Variants in CCM2L observed in about 807,000 individuals in gnomAD.
The protein encoded by CCM2L is cerebral cavernous malformations 2 protein-like.
A neutral mutation model predicts 54.1 loss-of-function variants in CCM2L; 36 were observed. The ratio of observed to expected loss-of-function variants is 0.67; its 90% CI spans 0.51 to 0.88. CCM2L has a LOEUF of 0.88. Among genes scored for constraint, CCM2L ranks in the 40% least tolerant of loss-of-function variants. The pLI is 0.00. For missense variants in CCM2L, 700 were observed against 812.1 expected, an observed-to-expected ratio of 0.86 and a Z score of 1.68; for synonymous variants, 351 against 359.3, an observed-to-expected ratio of 0.98 and a Z score of 0.26.
chr20:32,029,662 C>T (rs763144653), intron 8 of CCM2L, 38 bp from the exon 9 acceptor site: 247 of 1,569,296 alleles, frequency 1.6e-4, no homozygotes, highest in Non-Finnish European at 1.9e-4. Context: ...GGTGGCGCTG[C>T]TTCCTGGGAT....
Position 32,023,298 on chromosome 20 carries a change from G to T in CCM2L, c.1069+503G>T, listed in dbSNP as rs148355159. On this transcript the variant is annotated intron_variant, in intron 6 of 9. Transcript: ENST00000452892. Reference sequence around the variant, plus strand: ...AGTTTTCATGATGATCTCAAACTTAGCTTCTTCAAAGATGTTTGGATTGTC... The same window carrying T: ...AGTTTTCATGATGATCTCAAACTTATCTTCTTCAAAGATGTTTGGATTGTC... Among the ~76,000 whole-genome samples, 352 of 152,314 alleles carry T rather than the reference G, an allele frequency of 2.3e-3. 2 individuals carry two copies. Among genetic ancestry groups the T allele is most frequent in the African/African-American group, 7.9e-3 (329 of 41,570 alleles).
At chr20:32,015,379 A>G (rs994716012) in intron 2 of CCM2L, among the ~76,000 whole-genome samples, 1 of 152,232 alleles carries the variant, frequency 6.6e-6, no homozygotes, top group Admixed American at 6.5e-5. Flanking sequence ...GAGACTCACT[A>G]AAAGAAAATG....
chr20:32,031,078 G>A lies in CCM2L; in HGVS notation c.1480G>A (p.Gly494Ser). ...GGAGGGCGTGGGCATCCGCGAGGGC[G>A]GCATCCTCACTGACAGCTTCGGCCG... ...FLEGVGIREG[G>S]ILTDSFGRIK... is the part of the protein sequence containing the mutation. The change falls in exon 10 of 10, where the codon GGC (glycine) becomes AGC (serine). Residue 494 changes from glycine to serine, a missense_variant. Physicochemically the swap from Gly to Ser is moderately conservative, Grantham distance 56. Transcript: ENST00000452892. 5 of 1,304,268 alleles carry A rather than the reference G, an allele frequency of 3.8e-6. No homozygotes were observed. Among genetic ancestry groups the A allele is most frequent in the Non-Finnish European group, 5.1e-6 (5 of 988,946 alleles). 80.8% of individuals were successfully genotyped at this position (1,304,268 alleles called of 1,614,324 possible).
intron 8 of CCM2L, 59 bp downstream of exon 8, chr20:32,029,183 A>C: frequency 6.2e-7 from 1 of 1,611,482 alleles, no homozygotes; most frequent in Non-Finnish European, 8.5e-7. Context: ...TGGAGTAAAC[A>C]TTTTGGGAAT....
chr20:32,031,056 G>T lies in CCM2L; in HGVS notation c.1458G>T (p.Glu486Asp). The change falls in exon 10 of 10, where the codon GAG (glutamate) becomes GAT (aspartate). Residue 486 changes from glutamate (E) to aspartate (D), a missense_variant. Transcript: ENST00000452892. ...QDIGYFEGFL[E>D]GVGIREGGIL... ...TCGGCTACTTCGAGGGCTTCCTGGA[G>T]GGCGTGGGCATCCGCGAGGGCGGCA... The T allele has an allele frequency of 7.7e-7, 1 of 1,304,284 alleles. No homozygotes were observed. The highest frequency in any genetic ancestry group is 1.0e-6 in the Non-Finnish European group (1 of 988,956). 80.8% of individuals were successfully genotyped at this position (1,304,284 alleles called of 1,614,324 possible).
At chr20:32,023,290 C>G (rs2064824246) in intron 6 of CCM2L, among the ~76,000 whole-genome samples, 1 of 152,202 alleles carries the variant, frequency 6.6e-6, no homozygotes, top group South Asian at 2.1e-4. Flanking sequence ...ATGATGATCT[C>G]AAACTTAGCT....
In CCM2L at chr20:32,029,751, C is replaced by G. The variant is rs540781252; in HGVS notation, c.1315C>G (p.Arg439Gly). Residue 439 changes from arginine to glycine, a missense_variant, in exon 9 of 10, where the codon CGG becomes GGG. Physicochemically the swap from Arg to Gly is moderately radical, Grantham distance 125. Transcript: ENST00000452892. ...GATCCAGCAGTTTGCGATGCTGCTG[C>G]GGGAGTACCGGCTGGGGCTGCCCAT... is the stretch of plus-strand genomic sequence containing the variant. ...LEIQQFAMLL[R>G]EYRLGLPIQD... 2 of 1,613,410 alleles carry G rather than the reference C, an allele frequency of 1.2e-6. No homozygotes were observed. Among genetic ancestry groups the G allele is most frequent in the East Asian group, 2.2e-5 (1 of 44,836 alleles).
At position 32,018,085 on chromosome 20, in the gene CCM2L, T is replaced by G. The variant is rs970090328; in HGVS notation, c.389T>G (p.Leu130Arg). 6.2e-7 allele frequency: 1 copy of G among 1,612,968 alleles called. No individual in the cohort carries two copies. Among genetic ancestry groups the G allele is most frequent in the African/African-American group, 1.3e-5 (1 of 74,822 alleles). The change falls in exon 4 of 10, where the codon CTG becomes CGG. Residue 130 changes from leucine to arginine, a missense_variant. Physicochemically the swap from Leu to Arg is moderately radical, Grantham distance 102. Coordinates refer to ENST00000452892, the MANE Select transcript of CCM2L (RefSeq NM_001365692.1). The part of the protein sequence containing the change: ...LTWRDNEELI[L>R]RIPTHEIAAA... ...TGGCGCGACAATGAAGAGCTCATTC[T>G]GCGAATCCCTACGCACGAGATCGCC...
At chr20:32,024,535 C>T (rs1202827115) in intron 6 of CCM2L, among the ~76,000 whole-genome samples, 2 of 152,104 alleles carry the variant, frequency 1.3e-5, no homozygotes, top group East Asian at 3.9e-4. Flanking sequence ...CAAATAAATA[C>T]ACAACCACAG....
chr20:32,019,318 A>T lies in CCM2L; in HGVS notation c.842A>T (p.Glu281Val). ...GGCAGCGGCGGGGGAGGCAGCTGGG[A>T]GCGGCGCCACCCCGGCCCCAACCCG... ...QAGSGGGGSW[E>V]RRHPGPNPLD... is the part of the protein sequence containing the mutation. Residue 281 changes from glutamate to valine, a missense_variant, in exon 5 of 10, where the codon GAG (glutamate) becomes GTG (valine). Physicochemically the swap from Glu to Val is moderately radical, Grantham distance 121. Transcript: ENST00000452892. 7.5e-7 allele frequency: 1 copy of T among 1,334,332 alleles called. No individual in the cohort carries two copies. The highest frequency in any genetic ancestry group is 2.0e-5 in the South Asian group (1 of 49,450). The allele number at this position is 1,334,332 out of a possible 1,614,324, so 82.7% of individuals were successfully genotyped here.
At chr20:32,015,472 G>A (rs1568910955) in intron 2 of CCM2L, among the ~76,000 whole-genome samples, 1 of 152,184 alleles carries the variant, frequency 6.6e-6, no homozygotes, top group Non-Finnish European at 1.5e-5. Flanking sequence ...GAAGGCAAAG[G>A]TTTTTAAAGG....
At position 32,031,392 on chromosome 20, in the gene CCM2L, G is replaced by C. The variant is rs2064926250; in HGVS notation, c.*78G>C. 8.6e-7 allele frequency: 1 copy of C among 1,163,752 alleles called. No homozygotes were observed. The highest frequency in any genetic ancestry group is 1.6e-5 in the African/African-American group (1 of 61,842). 72.1% of individuals were successfully genotyped at this position (1,163,752 alleles called of 1,614,324 possible). On this transcript the variant is annotated 3_prime_UTR_variant, in exon 10 of 10. Coordinates refer to ENST00000452892, the MANE Select transcript of CCM2L (RefSeq NM_001365692.1). ...TTGCTTCGGGGACCCTATCCCCAGGGCCCCCCCATCACACCTGGCGGGGCC... is the reference window on the plus strand; with the variant it reads ...TTGCTTCGGGGACCCTATCCCCAGGCCCCCCCCATCACACCTGGCGGGGCC...
chr20:32,022,703 A>G lies in CCM2L; in HGVS notation c.977A>G (p.Gln326Arg). ...ESCALICQVFQIIYGDQSIEC... is the reference protein window; with the variant it reads ...ESCALICQVFRIIYGDQSIEC... ...TGCGCACTCATCTGTCAGGTCTTCC[A>G]GATCATCTACGGGGACCAGAGTATT... is the stretch of plus-strand genomic sequence containing the variant. Residue 326 changes from glutamine to arginine, a missense_variant, in exon 6 of 10, where the codon CAG (glutamine) becomes CGG (arginine). Physicochemically the swap from Gln to Arg is conservative, Grantham distance 43. Coordinates refer to ENST00000452892, the MANE Select transcript of CCM2L (RefSeq NM_001365692.1). 6.2e-7 allele frequency: 1 copy of G among 1,614,184 alleles called. No homozygotes were observed. Among genetic ancestry groups the G allele is most frequent in the Non-Finnish European group, 8.5e-7 (1 of 1,180,032 alleles).
intron 2 of CCM2L, among the ~76,000 whole-genome samples, chr20:32,016,308 C>A (rs2064740771): frequency 6.6e-6 from 1 of 152,106 alleles, no homozygotes; most frequent in Non-Finnish European, 1.5e-5. Context: ...TAATTATGTC[C>A]CAAATATTGC....
chr20:32,023,824 C>T (rs942432857), intron 6 of CCM2L, among the ~76,000 whole-genome samples: 6 of 152,168 alleles, frequency 3.9e-5, no homozygotes, highest in African/African-American at 4.8e-5. Context: ...CTCTGCCTCC[C>T]GGTTCAAGTG....
chr20:32,018,534 G>A (rs1163716138), intron 4 of CCM2L, among the ~76,000 whole-genome samples: 4 of 152,090 alleles, frequency 2.6e-5, no homozygotes, highest in African/African-American at 9.7e-5. Flanking sequence ...CTGGGGGCGG[G>A]GCCTGATTCC....
At chr20:32,018,191 AGGGGCGGGGGCGGGGGCGGGGGAGGGGC>A in intron 4 of CCM2L, 29 bp downstream of exon 4, 1 of 67,362 alleles carries the variant, frequency 1.5e-5, no homozygotes, top group Non-Finnish European at 1.8e-5. Context: ...GGGGCGGGGG[AGGGGCGGGGGCGGGGGCGGGGGAGGGGC>A]GGGGGCGGGG....
At chr20:32,026,875 CAA>C (rs761380291) in intron 7 of CCM2L, among the ~76,000 whole-genome samples, 34 of 111,422 alleles carry the variant, frequency 3.1e-4, no homozygotes, top group Non-Finnish European at 3.0e-4. Flanking sequence ...GACTCTATCT[CAA>C]AAAAAAAAAA....
At chr20:32,013,111 A>C (rs2064707900) in intron 1 of CCM2L, among the ~76,000 whole-genome samples, 1 of 152,180 alleles carries the variant, frequency 6.6e-6, no homozygotes, top group Non-Finnish European at 1.5e-5. Context: ...CAGCCCAGGC[A>C]ACGCAGTGAG....
Sources: gnomAD v4.1 joint callset for allele counts (sites outside exome capture counted in the v4.1 genomes callset) on GRCh38, gnomAD v4.1.1 for gene constraint, MANE v1.5 for transcripts, NCBI Gene and HGNC (gene_info 2026-07-23, HGNC 2026-07-21) for gene names.